MAP3K5: variants seen among roughly 807,000 people sequenced by gnomAD.
The protein encoded by MAP3K5 is mitogen-activated protein kinase kinase kinase 5, also known as ASK-1.
Under a neutral mutation model 158.7 loss-of-function variants are expected in MAP3K5, and 56 were observed. That is an observed-to-expected ratio of 0.35 (90% CI 0.28 to 0.44). The LOEUF (loss-of-function observed/expected upper bound fraction) is 0.44. MAP3K5 is among the 20% of genes least tolerant of loss of function. MAP3K5 has a pLI of 1.00. For synonymous variants in MAP3K5, 579 were observed against 601.7 expected (o/e 0.96, Z 0.55); for missense variants, 1,294 against 1,674.8 (o/e 0.77, Z 3.97).
At chr6:136,752,558 C>T (rs977260358) in intron 1 of MAP3K5, among the ~76,000 whole-genome samples, 4 of 152,170 alleles carry the variant, frequency 2.6e-5, no homozygotes, top group Admixed American at 6.5e-5. Flanking sequence ...ATTACAGGCG[C>T]GTGCCACCAC....
intron 8 of MAP3K5, among the ~76,000 whole-genome samples, chr6:136,665,515 T>A (rs1157520708): frequency 6.6e-6 from 1 of 152,056 alleles, no homozygotes; most frequent in Non-Finnish European, 1.5e-5. Context: ...CCGGGCTAAT[T>A]TTGTAATTTT....
intron 2 of MAP3K5, among the ~76,000 whole-genome samples, chr6:136,715,986 C>G (rs139566659): frequency 0.016 from 2,046 of 126,854 alleles, 29 homozygotes; most frequent in Middle Eastern, 0.056. Context: ...GCCGGGATAG[C>G]ACCACTGCAC....
chr6:136,671,437 A>G (rs898895540), intron 7 of MAP3K5, among the ~76,000 whole-genome samples: 1 of 152,152 alleles, frequency 6.6e-6, no homozygotes, highest in Admixed American at 6.5e-5. Flanking sequence ...ATTGAGGAAA[A>G]AGTCTTAATG....
At chr6:136,585,497 A>ATTC (rs1775099147) in intron 23 of MAP3K5, among the ~76,000 whole-genome samples, 1 of 130,192 alleles carries the variant, frequency 7.7e-6, no homozygotes, top group Non-Finnish European at 1.6e-5. Flanking sequence ...TTATTTATTT[A>ATTC]TTTATTTATT....
At chr6:136,720,075 A>G (rs1040867908) in intron 2 of MAP3K5, among the ~76,000 whole-genome samples, 1 of 152,234 alleles carries the variant, frequency 6.6e-6, no homozygotes, top group African/African-American at 2.4e-5. Context: ...ACTTTCAAGT[A>G]GGAAGTGTAC....
chr6:136,623,163 T>G (rs1198557929), intron 14 of MAP3K5, among the ~76,000 whole-genome samples, 182 bp from the exon 15 acceptor site: 1 of 152,220 alleles, frequency 6.6e-6, no homozygotes, highest in Non-Finnish European at 1.5e-5. Flanking sequence ...AGATACTGTG[T>G]TTATGTTTTC....
At chr6:136,614,315 AATT>A (rs1197412316) in intron 15 of MAP3K5, 29 bp from the exon 16 acceptor site, 20 of 1,606,166 alleles carry the variant, frequency 1.2e-5, no homozygotes, top group Non-Finnish European at 1.6e-5. Context: ...TCAATGAGTT[AATT>A]ATGTAGCCAG....
In MAP3K5 at chr6:136,622,810, T is replaced by C; in HGVS notation, c.2150+38A>G. On this transcript the variant is annotated intron_variant, in intron 15 of 29. Coordinates refer to ENST00000359015, the MANE Select transcript of MAP3K5 (RefSeq NM_005923.4). Reference sequence around the variant, plus strand: ...CTAAAATACTGTCAACAACCCAAAGTACTACAGAACAGCTTTTAGTAGCTA... The same window carrying C: ...CTAAAATACTGTCAACAACCCAAAGCACTACAGAACAGCTTTTAGTAGCTA... 1.9e-6 allele frequency: 3 copies of C among 1,600,652 alleles called. No individual in the cohort carries two copies. In the South Asian group the frequency reaches 3.3e-5, roughly 18 times the overall value.
At chr6:136,730,146 TTTGG>T (rs1782148131) in intron 1 of MAP3K5, among the ~76,000 whole-genome samples, 1 of 124,730 alleles carries the variant, frequency 8.0e-6, no homozygotes, top group Non-Finnish European at 1.6e-5. Context: ...TTTTTTGTTG[TTTGG>T]TTGTTTTTTT....
chr6:136,628,444 T>C lies in MAP3K5; in HGVS notation c.2017-5463A>G, dbSNP rs139867943. Among the ~76,000 whole-genome samples the C allele has an allele frequency of 6.5e-3, 992 of 152,086 alleles. 8 individuals carry two copies. The highest frequency in any genetic ancestry group is 0.023 in the African/African-American group (960 of 41,498). The stretch of plus-strand genomic sequence containing the variant: ...TTTTTAAAGAGATGGAGTCCTGCTA[T>C]GTTACCCAGGCTGGACTCAAAGTCC... On this transcript the variant is annotated intron_variant, in intron 14 of 29. Coordinates refer to ENST00000359015, the MANE Select transcript of MAP3K5 (RefSeq NM_005923.4).
intron 7 of MAP3K5, among the ~76,000 whole-genome samples, chr6:136,674,559 TAA>T (rs981324550): frequency 2.0e-5 from 3 of 151,788 alleles, no homozygotes; most frequent in African/African-American, 4.8e-5. Context: ...GTAAGACCAA[TAA>T]AAAATAAATA....
intron 8 of MAP3K5, among the ~76,000 whole-genome samples, chr6:136,668,951 T>C (rs1779350050): frequency 6.6e-6 from 1 of 152,106 alleles, no homozygotes; most frequent in Non-Finnish European, 1.5e-5. Flanking sequence ...AAATAGGAAA[T>C]ATTCCTGATG....
intron 1 of MAP3K5, among the ~76,000 whole-genome samples, chr6:136,771,813 C>T (rs1346947347): frequency 6.6e-6 from 1 of 152,166 alleles, no homozygotes; most frequent in Admixed American, 6.5e-5. Flanking sequence ...CTCAACAACC[C>T]GATATTTTAA....
intron 15 of MAP3K5, among the ~76,000 whole-genome samples, chr6:136,621,338 A>G (rs1282764912): frequency 6.6e-6 from 1 of 151,532 alleles, no homozygotes; most frequent in East Asian, 1.9e-4. Context: ...CACAATCTCT[A>G]CCTTTCCATG....
chr6:136,622,990 G>A lies in MAP3K5; in HGVS notation c.2017-9C>T, dbSNP rs1474368249. 2 of 1,608,922 alleles carry A rather than the reference G, an allele frequency of 1.2e-6. No individual in the cohort carries two copies. Among genetic ancestry groups the A allele is most frequent in the South Asian group, 1.1e-5 (1 of 89,796 alleles). ...TCATATTCATAGTCATACTACAAAA[G>A]GAAAAACGGGGAGAAAAGATCAAAA... is the stretch of plus-strand genomic sequence containing the variant. On this transcript the variant is annotated splice_polypyrimidine_tract_variant and intron_variant, in intron 14 of 29. Transcript: ENST00000359015.
intron 25 of MAP3K5, among the ~76,000 whole-genome samples, chr6:136,572,822 G>A (rs1774430760): frequency 6.6e-6 from 1 of 152,178 alleles, no homozygotes; most frequent in African/African-American, 2.4e-5. Flanking sequence ...ATATGCAAAT[G>A]ACACAGAACA....
chr6:136,588,507 T>C (rs9483932), intron 23 of MAP3K5, among the ~76,000 whole-genome samples: 3,459 of 152,328 alleles, frequency 0.023, 132 homozygotes, highest in African/African-American at 0.078. Context: ...TTTATATATA[T>C]GTATAGTTTT....
chr6:136,747,624 A>C (rs1783018440), intron 1 of MAP3K5, among the ~76,000 whole-genome samples: 1 of 152,200 alleles, frequency 6.6e-6, no homozygotes, highest in South Asian at 2.1e-4. Context: ...TTGAAGAATA[A>C]GTGGGAGGTT....
At chr6:136,693,929 A>G (rs535026055) in intron 7 of MAP3K5, among the ~76,000 whole-genome samples, 2 of 152,372 alleles carry the variant, frequency 1.3e-5, no homozygotes, top group East Asian at 3.9e-4. Flanking sequence ...CAGAGGTTGC[A>G]GTGAGCTAAG....
Sources: gnomAD v4.1 joint callset for allele counts (sites outside exome capture counted in the v4.1 genomes callset) on GRCh38, gnomAD v4.1.1 for gene constraint, MANE v1.5 for transcripts, NCBI Gene and HGNC (gene_info 2026-07-23, HGNC 2026-07-21) for gene names.